AGBL4: variants seen among roughly 807,000 people sequenced by gnomAD.
AGBL4 encodes AGBL carboxypeptidase 4.
In AGBL4, 58 loss-of-function variants were observed where a neutral mutation model predicts 66.4. That is an observed-to-expected ratio of 0.87 (90% confidence interval 0.71 to 1.09). The LOEUF is 1.09. AGBL4 is among the 50% of genes least tolerant of loss of function. The pLI, the probability that AGBL4 is intolerant of heterozygous loss-of-function variation, is 0.00. For missense variants in AGBL4, 579 were observed against 631.0 expected (o/e 0.92, Z 0.88); for synonymous variants, 234 against 222.9 (o/e 1.05, Z -0.44).
At chr1:48,940,425 G>A (rs1310515385) in intron 5 of AGBL4, among the ~76,000 whole-genome samples, 4 of 152,098 alleles carry the variant, frequency 2.6e-5, no homozygotes, top group African/African-American at 4.8e-5. Flanking sequence ...TTCAAGTGAC[G>A]GGCTCAAAGT....
intron 2 of AGBL4, among the ~76,000 whole-genome samples, chr1:49,722,471 C>A (rs1648681881): frequency 6.6e-6 from 1 of 152,010 alleles, no homozygotes; most frequent in African/African-American, 2.4e-5. Context: ...AAGGTGATTT[C>A]TTTAAAACAT....
chr1:49,022,960 T>C (rs1250946833), intron 5 of AGBL4, among the ~76,000 whole-genome samples: 1 of 152,160 alleles, frequency 6.6e-6, no homozygotes, highest in East Asian at 1.9e-4. Flanking sequence ...CAGAGATAAA[T>C]GTTGAAAACA....
intron 1 of AGBL4, among the ~76,000 whole-genome samples, chr1:49,982,870 T>G (rs1659184226): frequency 6.6e-6 from 1 of 151,950 alleles, no homozygotes; most frequent in African/African-American, 2.4e-5. Context: ...TCTCCTCTCT[T>G]CTGAGAGTTG....
rs148696066 is a variant in AGBL4 at position 48,849,399 on chromosome 1, G to T, written c.634+17792C>A. ...ATAAGCTGACATTTTGAAAAAGTAT[G>T]CTGGTCATAAATATTATGCTGCAGC... On this transcript the variant is annotated intron_variant, in intron 6 of 13. Transcript: ENST00000371839. Among the ~76,000 whole-genome samples, 4 of 152,302 alleles carry T rather than the reference G, an allele frequency of 2.6e-5. No homozygotes were observed. In the East Asian group the frequency reaches 7.7e-4, roughly 29 times the overall value.
At chr1:48,758,912 G>T (rs1128934) in intron 6 of AGBL4, 1,307,427 of 1,525,660 alleles carry the variant, frequency 0.86, 567,197 homozygotes, top group Non-Finnish European at 0.9. Flanking sequence ...CTGCCAAGCC[G>T]CAGGAGCAGC....
rs1297301716 is a variant in AGBL4, at chr1:49,875,080, G to T, written c.35-23562C>A. Among the ~76,000 whole-genome samples the T allele has an allele frequency of 1.4e-5, 2 of 145,184 alleles. 1 individual carries two copies. Among genetic ancestry groups the T allele is most frequent in the Non-Finnish European group, 3.0e-5 (2 of 65,992 alleles). On this transcript the variant is annotated intron_variant, in intron 1 of 13. Transcript: ENST00000371839. ...TATGAGTGAGAATATGTGGTATTTGGTTTTTTTGTTCTTGTGATAGTTTAC... is the reference window on the plus strand; with the variant it reads ...TATGAGTGAGAATATGTGGTATTTGTTTTTTTTGTTCTTGTGATAGTTTAC...
At chr1:48,841,117 G>T (rs904711565) in intron 6 of AGBL4, among the ~76,000 whole-genome samples, 1 of 152,164 alleles carries the variant, frequency 6.6e-6, no homozygotes, top group Non-Finnish European at 1.5e-5. Context: ...TTAGGAGGAA[G>T]GGTGTGACTA....
chr1:49,913,596 T>G (rs1311152187), intron 1 of AGBL4, among the ~76,000 whole-genome samples: 1 of 152,244 alleles, frequency 6.6e-6, no homozygotes, highest in African/African-American at 2.4e-5. Flanking sequence ...TCTGTGATCT[T>G]GAGGATGGCC....
intron 4 of AGBL4, among the ~76,000 whole-genome samples, chr1:49,175,384 G>T (rs952411886): frequency 6.6e-6 from 1 of 151,904 alleles, no homozygotes; most frequent in African/African-American, 2.4e-5. Context: ...ATTATTGTAT[G>T]TTTTCACATT....
At chr1:49,639,521 C>T (rs1645740895) in intron 3 of AGBL4, among the ~76,000 whole-genome samples, 1 of 152,084 alleles carries the variant, frequency 6.6e-6, no homozygotes. Flanking sequence ...TTGCCCAAGG[C>T]CATATAGTTA....
At chr1:49,822,771 C>T (rs1645403802) in intron 2 of AGBL4, among the ~76,000 whole-genome samples, 1 of 152,118 alleles carries the variant, frequency 6.6e-6, no homozygotes, top group East Asian at 1.9e-4. Context: ...AACTAGTCTA[C>T]AAGCATATGA....
At chr1:48,821,928 A>G (rs1302489370) in intron 6 of AGBL4, among the ~76,000 whole-genome samples, 1 of 152,184 alleles carries the variant, frequency 6.6e-6, no homozygotes, top group African/African-American at 2.4e-5. Flanking sequence ...TTCACAGAAG[A>G]AGATATTTGA....
In AGBL4 at chr1:48,962,135, A is replaced by ATCCATCCG. The variant is rs562524505; in HGVS notation, c.594+83448_594+83449insCGGATGGA. On this transcript the variant is annotated intron_variant, in intron 5 of 13. Transcript: ENST00000371839. ...CATCCATCCATCCATCCGTCCATCCATCCATCATCCATCCAACAGGTATTT... is the reference window on the plus strand; with the variant it reads ...CATCCATCCATCCATCCGTCCATCCATCCATCCGTCCATCATCCATCCAACAGGTATTT... Among the ~76,000 whole-genome samples, 1,212 of 151,288 alleles carry ATCCATCCG rather than the reference A, an allele frequency of 8.0e-3. 14 individuals carry two copies. The highest frequency in any genetic ancestry group is 0.026 in the African/African-American group (1,070 of 40,772).
chr1:49,489,983 GA>G (rs1647154555), intron 3 of AGBL4, among the ~76,000 whole-genome samples: 1 of 151,710 alleles, frequency 6.6e-6, no homozygotes, highest in Admixed American at 6.6e-5. Context: ...CTGGAAATAA[GA>G]AATAATTTTG....
rs1527829 is a variant in AGBL4, at chr1:49,471,488, C to T, written c.283-225624G>A. Among the ~76,000 whole-genome samples the T allele has an allele frequency of 6.1e-3, 930 of 151,872 alleles. 10 individuals carry two copies. The highest frequency in any genetic ancestry group is 0.02 in the African/African-American group (837 of 41,452). On this transcript the variant is annotated intron_variant, in intron 3 of 13. Transcript: ENST00000371839. ...AACTCTTGGACTTTATACACAACAACGAACATAATAAGACTCCTAAAGGTG... is the reference window on the plus strand; with the variant it reads ...AACTCTTGGACTTTATACACAACAATGAACATAATAAGACTCCTAAAGGTG...
At chr1:49,341,341 T>G (rs1443598952) in intron 3 of AGBL4, among the ~76,000 whole-genome samples, 3 of 152,000 alleles carry the variant, frequency 2.0e-5, no homozygotes, top group Non-Finnish European at 4.4e-5. Flanking sequence ...TTTGGTTAAG[T>G]GGTAGAGTGT....
At chr1:48,544,482 C>G (rs1007910443) in intron 11 of AGBL4, among the ~76,000 whole-genome samples, 1 of 152,190 alleles carries the variant, frequency 6.6e-6, no homozygotes, top group Admixed American at 6.5e-5. Context: ...TCTCCAATCT[C>G]ACATGTTATT....
intron 4 of AGBL4, among the ~76,000 whole-genome samples, chr1:49,203,672 C>T (rs1246412781): frequency 1.3e-5 from 2 of 152,096 alleles, no homozygotes; most frequent in Non-Finnish European, 2.9e-5. Flanking sequence ...GGCATGGTGG[C>T]CCATGCCTGT....
intron 1 of AGBL4, among the ~76,000 whole-genome samples, chr1:49,880,371 C>A (rs1647192035): frequency 1.3e-5 from 2 of 151,966 alleles, no homozygotes; most frequent in South Asian, 4.2e-4. Context: ...GTTAGTTTTC[C>A]TTCTAACAGA....
Sources: allele counts gnomAD v4.1 joint callset (sites outside exome capture counted in the v4.1 genomes callset), GRCh38; gene constraint gnomAD v4.1.1; transcripts MANE v1.5; gene names NCBI Gene and HGNC (gene_info 2026-07-23, HGNC 2026-07-21).